Variants in SIPA1L1 observed in about 807,000 individuals in gnomAD.
SIPA1L1 encodes signal-induced proliferation-associated 1-like protein 1.
SIPA1L1 carries 26 observed loss-of-function variants against 162.7 expected under a neutral mutation model. The ratio of observed to expected loss-of-function variants is 0.16; its 90% CI spans 0.12 to 0.22. SIPA1L1 has a LOEUF of 0.22. Among genes scored for constraint, SIPA1L1 ranks in the 10% least tolerant of loss-of-function variants. The probability of loss-of-function intolerance (pLI) is 1.00; values close to 1 mark genes in which losing one functional copy is unlikely to be tolerated. For missense variants in SIPA1L1, 1,874 were observed against 2,241.0 expected (o/e 0.84, Z 3.31); for synonymous variants, 829 against 837.4 (o/e 0.99, Z 0.17).
chr14:71,516,442 A>C (rs558662705), intron 3 of SIPA1L1, among the ~76,000 whole-genome samples: 1 of 152,096 alleles, frequency 6.6e-6, no homozygotes, highest in Non-Finnish European at 1.5e-5. Flanking sequence ...GCTGGAGTGC[A>C]GTGACACCAT....
chr14:71,411,513 A>G (rs1273785963), intron 2 of SIPA1L1, among the ~76,000 whole-genome samples: 1 of 152,112 alleles, frequency 6.6e-6, no homozygotes, highest in East Asian at 1.9e-4. Context: ...GAGGTGTGGT[A>G]GTCTCTACAC....
intron 4 of SIPA1L1, among the ~76,000 whole-genome samples, chr14:71,545,021 C>G (rs974076297): frequency 6.6e-6 from 1 of 152,022 alleles, no homozygotes; most frequent in Non-Finnish European, 1.5e-5. Context: ...CACCACCATG[C>G]CCAGTTAATT....
At chr14:71,335,805 T>G (rs754026926) in intron 2 of SIPA1L1, among the ~76,000 whole-genome samples, 1 of 152,232 alleles carries the variant, frequency 6.6e-6, no homozygotes, top group Admixed American at 6.5e-5. Flanking sequence ...TTGCTTTTCA[T>G]TGAATTGGCT....
intron 4 of SIPA1L1, among the ~76,000 whole-genome samples, chr14:71,557,098 A>G (rs1047662841): frequency 5.3e-5 from 8 of 152,258 alleles, no homozygotes; most frequent in African/African-American, 1.9e-4. Context: ...TAGCTATCAT[A>G]ACACCATACC....
intron 2 of SIPA1L1, among the ~76,000 whole-genome samples, chr14:71,342,532 G>A (rs1343423583): frequency 6.6e-6 from 1 of 152,176 alleles, no homozygotes; most frequent in Non-Finnish European, 1.5e-5. Flanking sequence ...AAATACAAGT[G>A]TAAGTTCAGT....
intron 2 of SIPA1L1, among the ~76,000 whole-genome samples, chr14:71,381,079 G>A (rs186485311): frequency 1.8e-4 from 28 of 152,294 alleles, no homozygotes; most frequent in African/African-American, 6.7e-4. Context: ...TTGAGATGGA[G>A]TCTGGCACTG....
chr14:71,533,393 C>T (rs1314925425), intron 4 of SIPA1L1, among the ~76,000 whole-genome samples: 1 of 152,120 alleles, frequency 6.6e-6, no homozygotes, highest in African/African-American at 2.4e-5. Context: ...GCACTTCTTT[C>T]CCAGCGCTGT....
At chr14:71,543,970 TAC>T (rs952575651) in intron 4 of SIPA1L1, among the ~76,000 whole-genome samples, 17 of 150,320 alleles carry the variant, frequency 1.1e-4, no homozygotes, top group African/African-American at 3.7e-4. Flanking sequence ...TATGTATATA[TAC>T]ACACACGCAC....
At chr14:71,534,820 T>G (rs2053751769) in intron 4 of SIPA1L1, among the ~76,000 whole-genome samples, 1 of 152,224 alleles carries the variant, frequency 6.6e-6, no homozygotes. Flanking sequence ...TGCATGTGTA[T>G]AGAGTCTGTT....
In SIPA1L1 at chr14:71,516,532, A is replaced by G. The variant is rs1401647497; in HGVS notation, c.-362+3687A>G. The stretch of plus-strand genomic sequence containing the variant: ...CTCCTGAGTAGCTGGGACTACTGGC[A>G]TGTGTCACCATGCTTGGCTAATTTT... On this transcript the variant is annotated intron_variant, in intron 3 of 23. Transcript: ENST00000381232. Among the ~76,000 whole-genome samples the G allele has an allele frequency of 2.0e-5, 3 of 152,210 alleles. No individual in the cohort carries two copies. The South Asian group carries it at 6.2e-4, about 32-fold the overall frequency.
At chr14:71,616,312 C>A (rs2038826774) in intron 5 of SIPA1L1, among the ~76,000 whole-genome samples, 1 of 152,112 alleles carries the variant, frequency 6.6e-6, no homozygotes, top group Non-Finnish European at 1.5e-5. Context: ...TTTGTTTTAA[C>A]TTTGAGAAAG....
rs567084203 is a variant in SIPA1L1 at position 71,379,874 on chromosome 14, G to A, written c.-465+58693G>A. Among the ~76,000 whole-genome samples the A allele has an allele frequency of 4.6e-5, 7 of 152,200 alleles. No individual in the cohort carries two copies. The East Asian group carries it at 5.8e-4, about 13-fold the overall frequency. ...TTTTCCATTTTACAATTTTAATACCGTCTTTTTTTGTTATGGGGCTCACTA... is the reference window on the plus strand; with the variant it reads ...TTTTCCATTTTACAATTTTAATACCATCTTTTTTTGTTATGGGGCTCACTA... On this transcript the variant is annotated intron_variant, in intron 2 of 23. Transcript: ENST00000381232.
intron 2 of SIPA1L1, among the ~76,000 whole-genome samples, chr14:71,417,464 C>T (rs1465644086): frequency 1.5e-3 from 33 of 22,204 alleles, no homozygotes; most frequent in Admixed American, 4.4e-3. Flanking sequence ...AGCGAGACTC[C>T]GTCTCAAAAA....
intron 4 of SIPA1L1, among the ~76,000 whole-genome samples, chr14:71,530,539 G>A (rs1420537969): frequency 3.3e-5 from 5 of 151,968 alleles, no homozygotes; most frequent in African/African-American, 1.2e-4. Context: ...AAATTAGTAG[G>A]AATATTTCAA....
At chr14:71,533,172 T>C (rs889362990) in intron 4 of SIPA1L1, among the ~76,000 whole-genome samples, 1 of 152,240 alleles carries the variant, frequency 6.6e-6, no homozygotes, top group Non-Finnish European at 1.5e-5. Context: ...GTGTGTTTGC[T>C]AAGTAGTAAG....
chr14:71,387,620 AC>A (rs1158669774), intron 2 of SIPA1L1, among the ~76,000 whole-genome samples: 1 of 152,210 alleles, frequency 6.6e-6, no homozygotes, highest in Non-Finnish European at 1.5e-5. Context: ...AAATAAAAAG[AC>A]TTTATGAAAA....
chr14:71,597,171 G>A (rs2036136879), intron 5 of SIPA1L1, among the ~76,000 whole-genome samples: 3 of 151,672 alleles, frequency 2.0e-5, no homozygotes, highest in African/African-American at 7.3e-5. Context: ...TTGTAGAGAT[G>A]TGGTGTCACC....
intron 2 of SIPA1L1, among the ~76,000 whole-genome samples, chr14:71,324,779 A>G (rs1028016393): frequency 2.6e-5 from 4 of 152,210 alleles, no homozygotes; most frequent in African/African-American, 9.7e-5. Flanking sequence ...GGAAGAAATT[A>G]GGTGTACCAT....
At chr14:71,555,428 C>T (rs977243892) in intron 4 of SIPA1L1, among the ~76,000 whole-genome samples, 7 of 152,188 alleles carry the variant, frequency 4.6e-5, no homozygotes, top group Non-Finnish European at 5.9e-5. Flanking sequence ...TAGGGCCTTG[C>T]TCTGGATTAG....
Sources: gnomAD v4.1 joint callset for allele counts (sites outside exome capture counted in the v4.1 genomes callset) on GRCh38, gnomAD v4.1.1 for gene constraint, MANE v1.5 for transcripts, NCBI Gene and HGNC (gene_info 2026-07-23, HGNC 2026-07-21) for gene names.